The following ANKFN1 variants were observed in gnomAD, a reference collection of about 807,000 sequenced individuals.
ANKFN1 encodes the protein ankyrin repeat and fibronectin type-III domain-containing protein 1.
Under a neutral mutation model 108.7 loss-of-function variants are expected in ANKFN1, and 74 were observed. The observed-to-expected ratio is 0.68, with a 90% CI of 0.56 to 0.83. The LOEUF (loss-of-function observed/expected upper bound fraction) is 0.83. Among genes scored for constraint, ANKFN1 ranks in the 40% least tolerant of loss-of-function variants. The probability of loss-of-function intolerance (pLI) is 0.00; values close to 1 mark genes in which losing one functional copy is unlikely to be tolerated. For synonymous variants in ANKFN1, 547 were observed against 516.2 expected (o/e 1.06, Z -0.81); for missense variants, 1,505 against 1,382.3 (o/e 1.09, Z -1.41).
intron 3 of ANKFN1, among the ~76,000 whole-genome samples, chr17:56,297,963 T>C (rs1427036294): frequency 6.6e-6 from 1 of 152,128 alleles, no homozygotes; most frequent in African/African-American, 2.4e-5. Context: ...CCTACGGCAA[T>C]ATACAGAGAA....
intron 6 of ANKFN1, among the ~76,000 whole-genome samples, chr17:56,370,974 G>A (rs934384326): frequency 7.9e-5 from 12 of 151,066 alleles, no homozygotes; most frequent in African/African-American, 2.2e-4. Context: ...GAACCTCTGC[G>A]TTCATACCCC....
chr17:56,362,080 T>C (rs1458181181), intron 6 of ANKFN1, among the ~76,000 whole-genome samples: 1 of 152,198 alleles, frequency 6.6e-6, no homozygotes, highest in Admixed American at 6.5e-5. Flanking sequence ...TCCTGGAGGC[T>C]GGCTACCTTA....
At chr17:56,312,743 G>T (rs886146052) in intron 3 of ANKFN1, among the ~76,000 whole-genome samples, 2 of 152,194 alleles carry the variant, frequency 1.3e-5, no homozygotes, top group Non-Finnish European at 2.9e-5. Flanking sequence ...AAACCTTGGG[G>T]TATTATAGTG....
chr17:56,057,594 T>C (rs757906075), intron 4 of ANKFN1, among the ~76,000 whole-genome samples: 7 of 152,150 alleles, frequency 4.6e-5, no homozygotes, highest in Non-Finnish European at 7.3e-5. Context: ...GAGACCAACC[T>C]GGCCAACATG....
Position 56,511,578 on chromosome 17 carries a change from A to G in ANKFN1, c.*309A>G, listed in dbSNP as rs2051774927. 1 of 290,244 alleles carries G rather than the reference A, an allele frequency of 3.4e-6. No homozygotes were observed. The highest frequency in any genetic ancestry group is 6.4e-6 in the Non-Finnish European group (1 of 156,130). The allele number at this position is 290,244 out of a possible 1,614,324, so 18.0% of individuals were successfully genotyped here. A position where few individuals can be genotyped will look rare whatever the true frequency, so the allele number is the denominator to read the frequency against. On this transcript the variant is annotated 3_prime_UTR_variant, in exon 21 of 21. Transcript: ENST00000682825. ...CCTATGACTGAAGCTGGCCATCCCAAAGAGAGACCCTCTGTTCTGCAGCTG... is the reference window on the plus strand; with the variant it reads ...CCTATGACTGAAGCTGGCCATCCCAGAGAGAGACCCTCTGTTCTGCAGCTG...
At chr17:56,374,377 T>C (rs1222850343) in intron 7 of ANKFN1, among the ~76,000 whole-genome samples, 2 of 152,218 alleles carry the variant, frequency 1.3e-5, no homozygotes, top group Non-Finnish European at 2.9e-5. Flanking sequence ...TAACTGGTAT[T>C]ATTTACCTTT....
chr17:56,453,057 AT>A (rs935465140), intron 11 of ANKFN1, among the ~76,000 whole-genome samples: 5 of 151,868 alleles, frequency 3.3e-5, no homozygotes, highest in Non-Finnish European at 7.4e-5. Flanking sequence ...TCCTTCTTCC[AT>A]TTTTTTCCTC....
intron 3 of ANKFN1, among the ~76,000 whole-genome samples, chr17:56,253,298 A>G (rs1032757947): frequency 1.3e-5 from 2 of 152,132 alleles, no homozygotes; most frequent in African/African-American, 4.8e-5. Flanking sequence ...AACTGCTCTC[A>G]CCCTAAAGCC....
At chr17:56,331,300 AAT>A (rs2045655996) in intron 4 of ANKFN1, among the ~76,000 whole-genome samples, 1 of 152,156 alleles carries the variant, frequency 6.6e-6, no homozygotes, top group South Asian at 2.1e-4. Flanking sequence ...CTCTGAAAAA[AAT>A]ATTTCAATCC....
intron 18 of ANKFN1, among the ~76,000 whole-genome samples, chr17:56,490,043 A>G (rs1477255042): frequency 1.3e-5 from 2 of 152,338 alleles, no homozygotes; most frequent in Middle Eastern, 3.4e-3. Flanking sequence ...AGATCCATTC[A>G]TGCATTTATT....
intron 3 of ANKFN1, among the ~76,000 whole-genome samples, chr17:56,288,368 T>C (rs1482651523): frequency 6.6e-6 from 1 of 152,126 alleles, no homozygotes; most frequent in African/African-American, 2.4e-5. Context: ...TTTTGTTTTG[T>C]TTTTTTAGCT....
At chr17:56,204,270 C>T (rs1403540748) in intron 1 of ANKFN1, among the ~76,000 whole-genome samples, 1 of 152,104 alleles carries the variant, frequency 6.6e-6, no homozygotes, top group Non-Finnish European at 1.5e-5. Flanking sequence ...TCGTCTCGAA[C>T]TTCTGATCTC....
At chr17:56,124,189 T>C (rs1906790141) in intron 4 of ANKFN1, among the ~76,000 whole-genome samples, 1 of 152,154 alleles carries the variant, frequency 6.6e-6, no homozygotes, top group South Asian at 2.1e-4. Context: ...TTTACAAACA[T>C]TTTGCTGGTC....
intron 6 of ANKFN1, among the ~76,000 whole-genome samples, chr17:56,367,809 T>C (rs2046699882): frequency 6.6e-6 from 1 of 152,198 alleles, no homozygotes; most frequent in South Asian, 2.1e-4. Context: ...GCAGGAATGA[T>C]AAAACAGACA....
At chr17:56,136,857 C>T (rs80179018) in intron 4 of ANKFN1, among the ~76,000 whole-genome samples, 1,650 of 152,314 alleles carry the variant, frequency 0.011, 25 homozygotes, top group African/African-American at 0.037. Flanking sequence ...CAGAGAAACA[C>T]ATTTAAATGG....
intron 4 of ANKFN1, among the ~76,000 whole-genome samples, chr17:56,077,722 A>G (rs1483559379): frequency 1.3e-5 from 2 of 151,880 alleles, no homozygotes; most frequent in East Asian, 3.9e-4. Flanking sequence ...AGGGTTCTGG[A>G]TCCTAAATGT....
At chr17:56,440,296 C>T (rs2049056754) in intron 8 of ANKFN1, 31 bp from the exon 9 acceptor site, 2 of 1,402,174 alleles carry the variant, frequency 1.4e-6, no homozygotes, top group Non-Finnish European at 2.0e-6. Context: ...CTCCCTCTTT[C>T]TCTCTCTCCC....
chr17:56,451,118 A>C (rs1024427971), intron 11 of ANKFN1, among the ~76,000 whole-genome samples: 19 of 152,222 alleles, frequency 1.2e-4, no homozygotes, highest in African/African-American at 4.6e-4. Flanking sequence ...GCTCAGCTGA[A>C]AAAGGTTCTC....
At chr17:56,183,525 A>G (rs557237679) in intron 1 of ANKFN1, among the ~76,000 whole-genome samples, 37 of 152,238 alleles carry the variant, frequency 2.4e-4, no homozygotes, top group Non-Finnish European at 5.0e-4. Flanking sequence ...GTTAGTTCAC[A>G]TGAGATCTGG....
Sources: allele counts gnomAD v4.1 joint callset (sites outside exome capture counted in the v4.1 genomes callset), GRCh38; gene constraint gnomAD v4.1.1; transcripts MANE v1.5; gene names NCBI Gene and HGNC (gene_info 2026-07-23, HGNC 2026-07-21).